TRHDE: variants seen among roughly 807,000 people sequenced by gnomAD.
The protein encoded by TRHDE is thyrotropin-releasing hormone-degrading ectoenzyme.
In TRHDE, 72 loss-of-function variants were observed where a neutral mutation model predicts 125.7. The ratio of observed to expected loss-of-function variants is 0.57; its 90% CI spans 0.47 to 0.70. TRHDE has a LOEUF of 0.70. Among genes scored for constraint, TRHDE ranks in the 30% least tolerant of loss-of-function variants. The pLI, the probability that TRHDE is intolerant of heterozygous loss-of-function variation, is 0.00. For missense variants in TRHDE, 1,110 were observed against 1,327.1 expected (o/e 0.84, Z 2.54); for synonymous variants, 509 against 509.1 (o/e 1.00, Z 0.00).
At chr12:72,630,017 A>T (rs1873414873) in intron 15 of TRHDE, among the ~76,000 whole-genome samples, 1 of 150,216 alleles carries the variant, frequency 6.7e-6, no homozygotes, top group South Asian at 2.1e-4. Context: ...GTTTCATTTT[A>T]TGTATATATA....
rs550155663 is a variant in TRHDE, at chr12:72,136,428, A to C, written n.279+30676A>C. Among the ~76,000 whole-genome samples the C allele has an allele frequency of 2.0e-5, 3 of 152,378 alleles. No homozygotes were observed. The East Asian group carries it at 5.8e-4, about 29-fold the overall frequency. On this transcript the variant is annotated intron_variant and non_coding_transcript_variant, in intron 2 of 4. Transcript: ENST00000548156. ...GAAATGATATGAAGCAGAGGCATGC[A>C]TATCCAAAGTAACGGGGAATTTAAA...
chr12:72,519,943 G>T (rs1592507931), intron 6 of TRHDE, among the ~76,000 whole-genome samples: 1 of 152,172 alleles, frequency 6.6e-6, no homozygotes, highest in African/African-American at 2.4e-5. Context: ...GCCTCCCAGT[G>T]AGGCTGTTTG....
At chr12:72,212,494 A>G (rs1284161412) in intron 2 of TRHDE, among the ~76,000 whole-genome samples, 3 of 152,162 alleles carry the variant, frequency 2.0e-5, no homozygotes, top group Admixed American at 6.6e-5. Context: ...TCCAGATTAC[A>G]TAAGTATCAC....
chr12:72,331,882 C>G lies in TRHDE; in HGVS notation c.1188+44928C>G, dbSNP rs1869615192. On this transcript the variant is annotated intron_variant, in intron 2 of 18. Transcript: ENST00000261180. ...GGAAAGTTGAATTAAGGTGAGTGCA[C>G]TCCTTGTCTATATTCTTTACTTCTT... Among the ~76,000 whole-genome samples the G allele has an allele frequency of 3.3e-5, 5 of 152,302 alleles. No individual in the cohort carries two copies. In the South Asian group the frequency reaches 1.0e-3, roughly 32 times the overall value.
chr12:72,474,635 A>G (rs1333903206), intron 5 of TRHDE, among the ~76,000 whole-genome samples: 1 of 152,144 alleles, frequency 6.6e-6, no homozygotes, highest in African/African-American at 2.4e-5. Context: ...TCTTGCGTGT[A>G]TACACCACAT....
chr12:72,583,634 A>G (rs1370395909), intron 12 of TRHDE, among the ~76,000 whole-genome samples: 1 of 152,242 alleles, frequency 6.6e-6, no homozygotes, highest in Non-Finnish European at 1.5e-5. Flanking sequence ...TTTAACTGTA[A>G]CAAGCTGGGA....
chr12:72,273,579 C>T lies in TRHDE; in HGVS notation c.914+22C>T. 4 of 1,559,362 alleles carry T rather than the reference C, an allele frequency of 2.6e-6. No individual in the cohort carries two copies. The South Asian group carries it at 3.4e-5, about 13-fold the overall frequency. ...GAAGGTATGGAGGGAGGCGGTGCCC[C>T]GCGCTGCCCCACCCCGGCGCGCGGC... On this transcript the variant is annotated intron_variant, in intron 1 of 18. Transcript: ENST00000261180. The surrounding 1 kb of genome is among the most constrained non-coding windows in gnomAD (Gnocchi z 5.3).
At chr12:72,603,680 G>A (rs1031663450) in intron 12 of TRHDE, among the ~76,000 whole-genome samples, 25 of 152,028 alleles carry the variant, frequency 1.6e-4, no homozygotes, top group Non-Finnish European at 3.4e-4. Context: ...AGCCGAGATT[G>A]CGCCACTGCA....
chr12:72,101,467 A>G (rs1875066324), intron 1 of TRHDE, among the ~76,000 whole-genome samples: 1 of 152,212 alleles, frequency 6.6e-6, no homozygotes, highest in African/African-American at 2.4e-5. Context: ...CAACTCTAAG[A>G]ACAAGAAGCT....
intron 7 of TRHDE, among the ~76,000 whole-genome samples, chr12:72,548,873 A>G (rs960185112): frequency 4.0e-5 from 6 of 151,814 alleles, no homozygotes; most frequent in African/African-American, 1.2e-4. Context: ...AATTATAAAG[A>G]AAGATCATTA....
chr12:72,499,359 G>T, intron 5 of TRHDE, 139 bp from the exon 6 acceptor site: 1 of 1,099,442 alleles, frequency 9.1e-7, no homozygotes, highest in Non-Finnish European at 1.3e-6. Context: ...ATTTTTATTG[G>T]GTTCACTTTA....
chr12:72,110,180 T>C (rs977081306), intron 2 of TRHDE, among the ~76,000 whole-genome samples: 1 of 152,014 alleles, frequency 6.6e-6, no homozygotes, highest in Middle Eastern at 3.4e-3. Flanking sequence ...GGATTGGGAG[T>C]GCTGAGGACA....
At chr12:72,141,188 C>A (rs1876103586) in intron 2 of TRHDE, among the ~76,000 whole-genome samples, 1 of 152,076 alleles carries the variant, frequency 6.6e-6, no homozygotes, top group South Asian at 2.1e-4. Context: ...TGAGCAGGCC[C>A]TCAAGGAAAG....
chr12:72,563,836 G>A (rs1373792469), intron 9 of TRHDE, among the ~76,000 whole-genome samples: 1 of 152,050 alleles, frequency 6.6e-6, no homozygotes, highest in Non-Finnish European at 1.5e-5. Flanking sequence ...CAGAAAGAGG[G>A]AGAGAAGTTA....
In TRHDE at chr12:72,621,104, T is replaced by C. The variant is rs112818045; in HGVS notation, c.2470-4T>C. 4,695 of 1,560,076 alleles carry C rather than the reference T, an allele frequency of 3.0e-3. 124 individuals carry two copies. In the African/African-American group the frequency reaches 0.058, roughly 19 times the overall value. ...TATCTTTATTTATTCTATACCCCAT[T>C]TAGGAATATATTTTAAAGCAAGTTG... On this transcript the variant is annotated splice_polypyrimidine_tract_variant and splice_region_variant and intron_variant, in intron 13 of 18. Coordinates refer to ENST00000261180, the MANE Select transcript of TRHDE (RefSeq NM_013381.3).
chr12:72,221,325 A>T (rs1486602216), intron 2 of TRHDE, among the ~76,000 whole-genome samples: 1 of 152,106 alleles, frequency 6.6e-6, no homozygotes, highest in Non-Finnish European at 1.5e-5. Flanking sequence ...CTCAAGAGTT[A>T]TTGAATATCA....
chr12:72,190,422 T>C (rs958363605), intron 2 of TRHDE, among the ~76,000 whole-genome samples: 3 of 152,178 alleles, frequency 2.0e-5, no homozygotes, highest in Admixed American at 1.3e-4. Context: ...AAGAAGATTC[T>C]TTTAGCAGGT....
At position 72,593,328 on chromosome 12, in the gene TRHDE, A is replaced by G. The variant is rs565711607; in HGVS notation, c.2321+17786A>G. On this transcript the variant is annotated intron_variant, in intron 12 of 18. Transcript: ENST00000261180. The stretch of plus-strand genomic sequence containing the variant: ...GGGTAAACTTGTTTGCACAACTTTC[A>G]ATCTATTATTAAATGTAAGAGTTGG... Among the ~76,000 whole-genome samples the G allele has an allele frequency of 5.3e-5, 8 of 152,326 alleles. No homozygotes were observed. The East Asian group carries it at 1.5e-3, about 29-fold the overall frequency.
chr12:72,137,861 G>T (rs1324132110), intron 2 of TRHDE, among the ~76,000 whole-genome samples: 1 of 152,188 alleles, frequency 6.6e-6, no homozygotes, highest in African/African-American at 2.4e-5. Flanking sequence ...TTCTGTAAAA[G>T]CTAAGAAAAG....
Sources: gnomAD v4.1 joint callset for allele counts (sites outside exome capture counted in the v4.1 genomes callset) on GRCh38, gnomAD v4.1.1 for gene constraint, Gnocchi (gnomAD v3.1) non-coding constraint, MANE v1.5 for transcripts, NCBI Gene and HGNC (gene_info 2026-07-23, HGNC 2026-07-21) for gene names.